The following TAF2 variants were observed in gnomAD, a reference collection of about 807,000 sequenced individuals.
TAF2 encodes TATA-box binding protein associated factor 2, also known as transcription initiation factor TFIID subunit 2.
TAF2 carries 61 observed loss-of-function variants against 138.5 expected under a neutral mutation model. The observed-to-expected ratio is 0.44, with a 90% CI of 0.36 to 0.54. The LOEUF (loss-of-function observed/expected upper bound fraction) is 0.54. Ranked by LOEUF, TAF2 falls within the 20% of genes least tolerant of loss-of-function variation. The pLI is 0.00. For synonymous variants in TAF2, 475 were observed against 469.9 expected, an observed-to-expected ratio of 1.01 and a Z score of -0.14; for missense variants, 1,090 against 1,427.9, an observed-to-expected ratio of 0.76 and a Z score of 3.81.
intron 25 of TAF2, among the ~76,000 whole-genome samples, chr8:119,740,098 C>T (rs2130986784): frequency 6.6e-6 from 1 of 152,182 alleles, no homozygotes; most frequent in East Asian, 1.9e-4. Flanking sequence ...ACTCTCAACC[C>T]CAAGAAAGGT....
At chr8:119,780,892 G>A (rs1261681326) in intron 17 of TAF2, among the ~76,000 whole-genome samples, 161 bp downstream of exon 17, 3 of 146,632 alleles carry the variant, frequency 2.0e-5, no homozygotes, top group African/African-American at 5.1e-5. Flanking sequence ...CGGAGCTTGC[G>A]CCACTGCATT....
At chr8:119,759,310 T>A (rs1038899810) in intron 20 of TAF2, among the ~76,000 whole-genome samples, 3 of 152,134 alleles carry the variant, frequency 2.0e-5, no homozygotes, top group African/African-American at 7.2e-5. Flanking sequence ...ATGCTGTTAT[T>A]ACCCTTTATT....
intron 6 of TAF2, among the ~76,000 whole-genome samples, chr8:119,800,819 T>C (rs1376687265): frequency 1.3e-5 from 2 of 152,188 alleles, no homozygotes; most frequent in African/African-American, 4.8e-5. Context: ...CTAAAAGAAA[T>C]GCTGTGGAGA....
At chr8:119,806,208 T>C in intron 4 of TAF2, 75 bp downstream of exon 4, 2 of 1,242,832 alleles carry the variant, frequency 1.6e-6, no homozygotes, top group Non-Finnish European at 2.4e-6. Context: ...GCATCATTAG[T>C]TCTCATGTAA....
intron 4 of TAF2, among the ~76,000 whole-genome samples, chr8:119,805,134 A>G (rs1824531263): frequency 1.3e-5 from 2 of 152,228 alleles, no homozygotes; most frequent in Admixed American, 6.5e-5. Flanking sequence ...GCAGAAGCTA[A>G]TATACAATAT....
intron 25 of TAF2, among the ~76,000 whole-genome samples, chr8:119,733,878 TCTC>T (rs1275571808): frequency 1.3e-5 from 2 of 152,070 alleles, no homozygotes; most frequent in African/African-American, 4.8e-5. Flanking sequence ...TAGGTACTAG[TCTC>T]CTCCTAGTCA....
chr8:119,799,861 G>T (rs1201442544), intron 6 of TAF2, among the ~76,000 whole-genome samples: 1 of 152,130 alleles, frequency 6.6e-6, no homozygotes, highest in Admixed American at 6.5e-5. Context: ...GTGTGAGATG[G>T]TATCTCATTG....
At chr8:119,784,500 A>G (rs1444082916) in intron 15 of TAF2, among the ~76,000 whole-genome samples, 1 of 152,098 alleles carries the variant, frequency 6.6e-6, no homozygotes, top group Non-Finnish European at 1.5e-5. Flanking sequence ...CTCTGTCTCA[A>G]AAAAAAATTA....
chr8:119,785,669 C>T (rs1484886364), intron 14 of TAF2, among the ~76,000 whole-genome samples: 1 of 152,178 alleles, frequency 6.6e-6, no homozygotes, highest in Non-Finnish European at 1.5e-5. Context: ...ATGCAAGGTT[C>T]TGTCCTATAT....
intron 2 of TAF2, among the ~76,000 whole-genome samples, chr8:119,826,930 C>T (rs1233431336): frequency 1.3e-5 from 2 of 152,138 alleles, no homozygotes; most frequent in African/African-American, 2.4e-5. Context: ...TGGTGGCTCA[C>T]ACCTGTAATC....
At chr8:119,774,897 T>C (rs1230975435) in intron 18 of TAF2, among the ~76,000 whole-genome samples, 2 of 151,982 alleles carry the variant, frequency 1.3e-5, no homozygotes, top group Non-Finnish European at 2.9e-5. Context: ...TCAGAGCTAT[T>C]TTAATGCAAC....
chr8:119,761,351 A>G (rs1229973288), intron 19 of TAF2, among the ~76,000 whole-genome samples: 1 of 152,226 alleles, frequency 6.6e-6, no homozygotes, highest in Non-Finnish European at 1.5e-5. Flanking sequence ...TACACCATCT[A>G]GTTTGTGTAA....
chr8:119,783,411 T>C lies in TAF2; in HGVS notation c.2082A>G (p.Val694=). The C allele has an allele frequency of 6.2e-7, 1 of 1,614,172 alleles. No homozygotes were observed. The highest frequency in any genetic ancestry group is 8.5e-7 in the Non-Finnish European group (1 of 1,180,012). ...CAAGACAGAAGCAAGCTGACATTCT[T>C]ACTCTGTAGAAACACTGCTCTTGTT... The part of the protein sequence containing the change: ...ILEQEQCFYR[V]RMSACFCLAK... The change falls in exon 16 of 26, where the codon GTA becomes GTG. Residue 694 remains valine, a synonymous_variant. Transcript: ENST00000378164.
At position 119,730,983 on chromosome 8, in the gene TAF2, CAT is replaced by C. The variant is rs1293447240; in HGVS notation, c.*939_*940del. 2 of 152,022 alleles carry C rather than the reference CAT, an allele frequency of 1.3e-5. No individual in the cohort carries two copies. Among genetic ancestry groups the C allele is most frequent in the South Asian group, 2.1e-4 (1 of 4,812 alleles). The allele number at this position is 152,022 out of a possible 1,614,324, so 9.4% of individuals were successfully genotyped here. On this transcript the variant is annotated 3_prime_UTR_variant, in exon 26 of 26. Coordinates refer to ENST00000378164, the MANE Select transcript of TAF2 (RefSeq NM_003184.4). Reference sequence around the variant, plus strand: ...ACCATATAAAGAAATCAAAATATTTCATATGTTTTTAAATGCTTATGGTATGA... The same window carrying C: ...ACCATATAAAGAAATCAAAATATTTCATGTTTTTAAATGCTTATGGTATGA...
chr8:119,771,323 C>T (rs766770875), intron 18 of TAF2, among the ~76,000 whole-genome samples: 80 of 152,088 alleles, frequency 5.3e-4, no homozygotes, highest in Middle Eastern at 3.4e-3. Flanking sequence ...GCAACCTCCC[C>T]GTCCTAGGTT....
intron 16 of TAF2, 39 bp from the exon 17 acceptor site, chr8:119,781,232 A>G (rs773655873): frequency 1.2e-6 from 2 of 1,611,524 alleles, no homozygotes; most frequent in East Asian, 2.2e-5. Context: ...TCCATTACCA[A>G]TGCAAACATA....
chr8:119,790,278 A>G (rs1208534205), intron 11 of TAF2, among the ~76,000 whole-genome samples: 1 of 152,110 alleles, frequency 6.6e-6, no homozygotes, highest in African/African-American at 2.4e-5. Flanking sequence ...TCTACAAACA[A>G]TACAAAAATT....
intron 25 of TAF2, among the ~76,000 whole-genome samples, chr8:119,732,724 A>T (rs1255727192): frequency 6.6e-6 from 1 of 152,116 alleles, no homozygotes; most frequent in Non-Finnish European, 1.5e-5. Context: ...GAATCACTTG[A>T]ACCTGGGAGG....
chr8:119,776,903 C>T (rs1822286841), intron 18 of TAF2, among the ~76,000 whole-genome samples: 1 of 152,002 alleles, frequency 6.6e-6, no homozygotes, highest in Non-Finnish European at 1.5e-5. Context: ...TATAGCTGAC[C>T]CTCTCTCTAT....
Sources: gnomAD v4.1 joint callset for allele counts (sites outside exome capture counted in the v4.1 genomes callset) on GRCh38, gnomAD v4.1.1 for gene constraint, MANE v1.5 for transcripts, NCBI Gene and HGNC (gene_info 2026-07-23, HGNC 2026-07-21) for gene names.